Variants in JADE1 observed in about 807,000 individuals in gnomAD.
JADE1 encodes jade family PHD finger 1.
A neutral mutation model predicts 81.8 loss-of-function variants in JADE1; 14 were observed. The observed-to-expected ratio is 0.17, with a 90% CI of 0.11 to 0.27. JADE1 has a LOEUF of 0.27. JADE1 is among the 10% of genes least tolerant of loss of function. The pLI is 1.00. For missense variants in JADE1, 690 were observed against 1,047.9 expected, an observed-to-expected ratio of 0.66 and a Z score of 4.71; for synonymous variants, 353 against 391.9, an observed-to-expected ratio of 0.90 and a Z score of 1.17.
chr4:128,824,465 T>TTTTATATAAGACCACCTGG (rs1380239895), intron 1 of JADE1, among the ~76,000 whole-genome samples: 1 of 152,096 alleles, frequency 6.6e-6, no homozygotes, highest in African/African-American at 2.4e-5. Context: ...AAATACTTAG[T>TTTTATATAAGACCACCTGG]TTTATATAAG....
chr4:128,818,223 C>T (rs988502516), intron 1 of JADE1, among the ~76,000 whole-genome samples: 19 of 152,000 alleles, frequency 1.3e-4, no homozygotes, highest in African/African-American at 4.3e-4. Context: ...TGGGTTCAAG[C>T]AATTCTCCTG....
chr4:128,871,367 C>T lies in JADE1; in HGVS notation c.1634C>T (p.Ser545Phe). The change falls in exon 11 of 11, where the codon TCC (serine) becomes TTC (phenylalanine). Residue 545 changes from serine (S) to phenylalanine (F), a missense_variant. Physicochemically the swap from Ser to Phe is radical, Grantham distance 155. Coordinates refer to ENST00000226319, the MANE Select transcript of JADE1 (RefSeq NM_199320.4). The surrounding 1 kb of genome is among the most constrained non-coding windows in gnomAD (Gnocchi z 4.1). ...TTTATGTTTATAGGTGTGCCTTCTT[C>T]CTGCTCCTCCTCCTCACTGGAAAAC... The part of the protein sequence containing the change: ...EQERVSGVPS[S>F]CSSSSLENML... The T allele has an allele frequency of 6.2e-7, 1 of 1,612,852 alleles. No homozygotes were observed. The highest frequency in any genetic ancestry group is 1.7e-5 in the Admixed American group (1 of 59,894).
At chr4:128,842,833 G>A (rs1729556858) in intron 2 of JADE1, 120 bp from the exon 3 acceptor site, 1 of 756,800 alleles carries the variant, frequency 1.3e-6, no homozygotes, top group South Asian at 1.5e-5. Context: ...GGCATCACAG[G>A]TGGTCTCATG....
chr4:128,835,958 C>G (rs1728947780), intron 2 of JADE1, among the ~76,000 whole-genome samples: 1 of 152,180 alleles, frequency 6.6e-6, no homozygotes, highest in Non-Finnish European at 1.5e-5. Context: ...CCCTGGAGGC[C>G]CAGCCCTGCA....
chr4:128,814,508 G>A (rs114622602), intron 1 of JADE1, among the ~76,000 whole-genome samples: 1,925 of 151,534 alleles, frequency 0.013, 51 homozygotes, highest in African/African-American at 0.045. Context: ...TTCTATGCAT[G>A]TGCATGTGTG....
At position 128,874,332 on chromosome 4, in the gene JADE1, G is replaced by A. The variant is rs947809553; in HGVS notation, c.*2070G>A. 2 of 152,504 alleles carry A rather than the reference G, an allele frequency of 1.3e-5. No individual in the cohort carries two copies. The highest frequency in any genetic ancestry group is 1.3e-4 in the Admixed American group (2 of 15,274). 9.4% of individuals were successfully genotyped at this position (152,504 alleles called of 1,614,324 possible). ...GAAAATCTAAATTAATCTAGTAAGTGTATGACCTCTCACCATTTTAAGAGG... is the reference window on the plus strand; with the variant it reads ...GAAAATCTAAATTAATCTAGTAAGTATATGACCTCTCACCATTTTAAGAGG... On this transcript the variant is annotated 3_prime_UTR_variant, in exon 11 of 11. Transcript: ENST00000226319.
chr4:128,867,566 T>C (rs1402259253), intron 9 of JADE1, among the ~76,000 whole-genome samples: 2 of 152,224 alleles, frequency 1.3e-5, no homozygotes, highest in Non-Finnish European at 1.5e-5. Flanking sequence ...TTAGGTGTGA[T>C]GGAGGAGGCA....
chr4:128,834,932 G>T (rs756751273), intron 2 of JADE1, among the ~76,000 whole-genome samples: 1 of 151,784 alleles, frequency 6.6e-6, no homozygotes, highest in African/African-American at 2.4e-5. Flanking sequence ...GATTGCTTGA[G>T]CCCAGGAATT....
chr4:128,864,450 T>C (rs1731631589), intron 9 of JADE1: 1 of 985,386 alleles, frequency 1.0e-6, no homozygotes, highest in Middle Eastern at 5.2e-4. Context: ...AGACTCAGTT[T>C]AAAATGGGCT....
chr4:128,848,980 G>C lies in JADE1; in HGVS notation c.297G>C (p.Arg99Ser). 1 of 1,613,782 alleles carries C rather than the reference G, an allele frequency of 6.2e-7. No homozygotes were observed. The highest frequency in any genetic ancestry group is 1.7e-5 in the Admixed American group (1 of 59,982). The change falls in exon 5 of 11, where the codon AGG (arginine) becomes AGC (serine). Residue 99 changes from arginine to serine, a missense_variant and splice_region_variant. Arg to Ser is a moderately radical substitution (Grantham distance 110, BLOSUM62 -1). Transcript: ENST00000226319. ...GCTGCCTTGTTTTTTTATTATCCAG[G>C]GTTGTGTCTGAAGAGAAATCCCTCA... ...SPGTIPQPVA[R>S]VVSEEKSLMF...
At chr4:128,820,830 G>T (rs1269143007) in intron 1 of JADE1, among the ~76,000 whole-genome samples, 1 of 152,136 alleles carries the variant, frequency 6.6e-6, no homozygotes, top group African/African-American at 2.4e-5. Context: ...CAGTGTAATT[G>T]TCATTAGCTG....
intron 1 of JADE1, among the ~76,000 whole-genome samples, chr4:128,818,761 T>C (rs769593963): frequency 1.3e-5 from 2 of 152,196 alleles, no homozygotes; most frequent in Non-Finnish European, 2.9e-5. Flanking sequence ...TGTCATGAAA[T>C]GTTCTTTGGC....
chr4:128,820,564 C>A (rs1344656863), intron 1 of JADE1, among the ~76,000 whole-genome samples: 1 of 152,096 alleles, frequency 6.6e-6, no homozygotes, highest in South Asian at 2.1e-4. Flanking sequence ...ATCATAATAA[C>A]GAGGCTTGTA....
rs748808960 is a variant in JADE1, at chr4:128,867,964, A to G, written c.1612A>G (p.Arg538Gly). 5.0e-6 allele frequency: 8 copies of G among 1,605,674 alleles called. No individual in the cohort carries two copies. Among genetic ancestry groups the G allele is most frequent in the Non-Finnish European group, 6.8e-6 (8 of 1,172,566 alleles). ...NLYTKLLEQE[R>G]VSGVPSSCSS... ...TTACACTAAGCTTTTGGAGCAAGAA[A>G]GAGTTTCAGGTATGCATTAAGCCCT... Residue 538 changes from arginine to glycine, a missense_variant, in exon 10 of 11, where the codon AGA (arginine) becomes GGA (glycine). This residue lies in a region of JADE1 where 86 missense variants were observed against 95.4 expected (regional missense o/e 0.90). Coordinates refer to ENST00000226319, the MANE Select transcript of JADE1 (RefSeq NM_199320.4).
intron 1 of JADE1, among the ~76,000 whole-genome samples, chr4:128,814,469 A>C (rs1337616061): frequency 6.6e-6 from 1 of 152,174 alleles, no homozygotes; most frequent in African/African-American, 2.4e-5. Flanking sequence ...CCATCCATAG[A>C]TGACTACTGT....
chr4:128,852,916 CTTCT>C (rs1560763095), intron 6 of JADE1, among the ~76,000 whole-genome samples: 1 of 149,580 alleles, frequency 6.7e-6, no homozygotes, highest in African/African-American at 2.5e-5. Flanking sequence ...ACATGGTGGT[CTTCT>C]TTTTTTTTTT....
At chr4:128,827,011 C>T (rs1728137702) in intron 1 of JADE1, among the ~76,000 whole-genome samples, 1 of 152,212 alleles carries the variant, frequency 6.6e-6, no homozygotes, top group South Asian at 2.1e-4. Flanking sequence ...CCTGGCCTGT[C>T]TTCAAGAATA....
rs202021124 is a variant in JADE1, at chr4:128,855,752, C to T, written c.819C>T (p.Ser273=). ...KKGGAMKPTR[S]GTKWVHVSCA... is the part of the protein sequence containing the mutation. Reference sequence around the variant, plus strand: ...GTGGAGCTATGAAGCCCACCCGTAGCGGAACCAAGTGGGTCCACGTTAGCT... The same window carrying T: ...GTGGAGCTATGAAGCCCACCCGTAGTGGAACCAAGTGGGTCCACGTTAGCT... The change falls in exon 7 of 11, where the codon AGC becomes AGT. Residue 273 remains serine (S), a synonymous_variant. Transcript: ENST00000226319. 18 of 1,613,972 alleles carry T rather than the reference C, an allele frequency of 1.1e-5. No homozygotes were observed. The highest frequency in any genetic ancestry group is 1.0e-4 in the Admixed American group (6 of 59,994).
chr4:128,861,148 A>ATT (rs1731290200), intron 8 of JADE1, among the ~76,000 whole-genome samples: 1 of 152,240 alleles, frequency 6.6e-6, no homozygotes, highest in Non-Finnish European at 1.5e-5. Context: ...GGTTTGCACC[A>ATT]AAAGAGCTCA....
Sources: gnomAD v4.1 joint callset for allele counts (sites outside exome capture counted in the v4.1 genomes callset) on GRCh38, gnomAD v4.1.1 for gene constraint, gnomAD v4.1.1 regional missense constraint, Gnocchi (gnomAD v3.1) non-coding constraint, MANE v1.5 for transcripts, NCBI Gene and HGNC (gene_info 2026-07-23, HGNC 2026-07-21) for gene names.